PABPC4L: variants seen among roughly 807,000 people sequenced by gnomAD.
PABPC4L encodes polyadenylate-binding protein 4-like.
For missense variants in PABPC4L, 452 were observed against 451.4 expected, an observed-to-expected ratio of 1.00 and a Z score of -0.01; for synonymous variants, 169 against 164.1, an observed-to-expected ratio of 1.03 and a Z score of -0.23.
the PABPC4L span, among the ~76,000 whole-genome samples, chr4:134,060,674 C>A: frequency 6.6e-6 from 1 of 151,744 alleles, no homozygotes; most frequent in Non-Finnish European, 1.5e-5. Flanking sequence ...AAGAGCTGTG[C>A]ACCCTAAATA....
the PABPC4L span, among the ~76,000 whole-genome samples, chr4:134,067,310 T>G: frequency 6.6e-6 from 1 of 152,158 alleles, no homozygotes; most frequent in Non-Finnish European, 1.5e-5. Flanking sequence ...TTTTCTAGCT[T>G]ACGTACATAG....
At chr4:133,973,804 G>T in the PABPC4L span, among the ~76,000 whole-genome samples, 2 of 152,124 alleles carry the variant, frequency 1.3e-5, no homozygotes, top group Admixed American at 6.6e-5. Context: ...TAATATTAAA[G>T]GTTCTTCAGT....
chr4:134,133,708 G>A, the PABPC4L span, among the ~76,000 whole-genome samples: 1 of 151,738 alleles, frequency 6.6e-6, no homozygotes, highest in South Asian at 2.1e-4. Flanking sequence ...AGGGGTGTAA[G>A]GGACAAAAGA....
the PABPC4L span, among the ~76,000 whole-genome samples, chr4:133,956,535 T>C: frequency 2.0e-5 from 3 of 152,148 alleles, no homozygotes; most frequent in Non-Finnish European, 4.4e-5. Flanking sequence ...GGATGGTCAC[T>C]CTCTGACCTT....
chr4:134,146,605 G>A, the PABPC4L span, among the ~76,000 whole-genome samples: 1 of 152,038 alleles, frequency 6.6e-6, no homozygotes, highest in Admixed American at 6.6e-5. Context: ...TGACTAAGAG[G>A]AATAAGGTAC....
the PABPC4L span, among the ~76,000 whole-genome samples, chr4:133,985,787 A>G: frequency 1.5e-4 from 23 of 152,106 alleles, no homozygotes; most frequent in Admixed American, 4.6e-4. Flanking sequence ...AAAACATTGA[A>G]AGTATAATAT....
the PABPC4L span, among the ~76,000 whole-genome samples, chr4:134,020,383 A>T: frequency 6.6e-6 from 1 of 152,150 alleles, no homozygotes; most frequent in South Asian, 2.1e-4. Flanking sequence ...ATTTTGAAAC[A>T]ATCAATGTTA....
chr4:134,078,020 A>G, the PABPC4L span, among the ~76,000 whole-genome samples: 19 of 152,302 alleles, frequency 1.2e-4, no homozygotes, highest in South Asian at 2.7e-3. Context: ...AGGACAAAAA[A>G]GATATTTAAA....
chr4:134,049,390 A>AT, the PABPC4L span, among the ~76,000 whole-genome samples: 1 of 152,108 alleles, frequency 6.6e-6, no homozygotes, highest in Non-Finnish European at 1.5e-5. Context: ...AAATAAAGGT[A>AT]TTTTTTATTC....
At chr4:134,124,396 G>A in the PABPC4L span, among the ~76,000 whole-genome samples, 1 of 151,912 alleles carries the variant, frequency 6.6e-6, no homozygotes, top group African/African-American at 2.4e-5. Context: ...GGAGCTTGCT[G>A]GGTCCCCAAA....
At chr4:134,046,956 A>G in the PABPC4L span, among the ~76,000 whole-genome samples, 1 of 152,172 alleles carries the variant, frequency 6.6e-6, no homozygotes, top group Non-Finnish European at 1.5e-5. Flanking sequence ...AGACACAGTA[A>G]CAGTCTGATC....
At chr4:134,022,767 T>G in the PABPC4L span, among the ~76,000 whole-genome samples, 1 of 152,052 alleles carries the variant, frequency 6.6e-6, no homozygotes, top group East Asian at 1.9e-4. Context: ...TCTCATGTCT[T>G]CTATGCTTTT....
chr4:134,053,999 GA>G, the PABPC4L span, among the ~76,000 whole-genome samples: 121 of 150,654 alleles, frequency 8.0e-4, 1 homozygote, highest in African/African-American at 2.0e-3. Context: ...TAAATTTTAT[GA>G]AAAAAAATAC....
chr4:134,061,118 T>A, the PABPC4L span, among the ~76,000 whole-genome samples: 8 of 152,036 alleles, frequency 5.3e-5, no homozygotes, highest in Admixed American at 5.2e-4. Flanking sequence ...ATGCTTGAGG[T>A]GATGAATACC....
the PABPC4L span, among the ~76,000 whole-genome samples, chr4:134,112,993 T>C: frequency 4.0e-5 from 6 of 149,058 alleles, no homozygotes; most frequent in African/African-American, 1.2e-4. Context: ...CTAATGTGTG[T>C]GTGTTTTAGT....
the PABPC4L span, among the ~76,000 whole-genome samples, chr4:134,102,853 C>T: frequency 6.6e-6 from 1 of 151,184 alleles, no homozygotes; most frequent in Non-Finnish European, 1.5e-5. Flanking sequence ...TTTATAAGTA[C>T]ATGTAAAATG....
chr4:134,042,072 C>T, the PABPC4L span, among the ~76,000 whole-genome samples: 1 of 152,136 alleles, frequency 6.6e-6, no homozygotes, highest in Non-Finnish European at 1.5e-5. Context: ...TAAATCTACA[C>T]ACATATATAT....
chr4:133,976,936 T>C, the PABPC4L span, among the ~76,000 whole-genome samples: 1 of 152,018 alleles, frequency 6.6e-6, no homozygotes, highest in Non-Finnish European at 1.5e-5. Context: ...CATTTGTCAA[T>C]TTTTGCTTTC....
chr4:134,167,503 G>T, the PABPC4L span, among the ~76,000 whole-genome samples: 7 of 151,852 alleles, frequency 4.6e-5, 1 homozygote, highest in Non-Finnish European at 1.0e-4. Context: ...ATGGTTAAAA[G>T]AAAAACAGGA....
Sources: gnomAD v4.1 joint callset for allele counts (sites outside exome capture counted in the v4.1 genomes callset) on GRCh38, gnomAD v4.1.1 for gene constraint, MANE v1.5 for transcripts, NCBI Gene and HGNC (gene_info 2026-07-23, HGNC 2026-07-21) for gene names.